The following SNW1 variants were observed in gnomAD, a reference collection of about 807,000 sequenced individuals.
SNW1 encodes SNW domain-containing protein 1.
In SNW1, 9 loss-of-function variants were observed where a neutral mutation model predicts 75.6. That is an observed-to-expected ratio of 0.12 (90% CI 0.07 to 0.21). SNW1 has a LOEUF of 0.21. Ranked by LOEUF, SNW1 falls within the 10% of genes least tolerant of loss-of-function variation. The pLI, the probability that SNW1 is intolerant of heterozygous loss-of-function variation, is 1.00. For synonymous variants in SNW1, 200 were observed against 219.1 expected (o/e 0.91, Z 0.77); for missense variants, 409 against 670.9 (o/e 0.61, Z 4.31).
intron 9 of SNW1, 86 bp downstream of exon 9, chr14:77,732,399 A>G: frequency 1.3e-6 from 1 of 795,392 alleles, no homozygotes; most frequent in Non-Finnish European, 2.2e-6. Flanking sequence ...GGTGCTCGGT[A>G]CTATAGTTAA....
chr14:77,728,992 T>C (rs1217742661), intron 10 of SNW1, among the ~76,000 whole-genome samples: 1 of 152,218 alleles, frequency 6.6e-6, no homozygotes, highest in Non-Finnish European at 1.5e-5. Context: ...TAAGTTTTAC[T>C]TCTAATTATC....
chr14:77,747,206 C>A (rs1287971943), intron 3 of SNW1, among the ~76,000 whole-genome samples: 1 of 152,212 alleles, frequency 6.6e-6, no homozygotes, highest in Non-Finnish European at 1.5e-5. Flanking sequence ...GACGGAGTCT[C>A]ACTCACTCAG....
chr14:77,758,485 C>T (rs1320897594), intron 1 of SNW1, among the ~76,000 whole-genome samples: 3 of 152,176 alleles, frequency 2.0e-5, no homozygotes, highest in Admixed American at 6.5e-5. Context: ...TCTCAGCACT[C>T]TTGTCTCTGC....
intron 3 of SNW1, among the ~76,000 whole-genome samples, chr14:77,743,208 A>T (rs970744083): frequency 2.0e-5 from 3 of 151,894 alleles, no homozygotes; most frequent in African/African-American, 7.3e-5. Flanking sequence ...CTGGGCAACA[A>T]GAGCAAAACT....
intron 3 of SNW1, among the ~76,000 whole-genome samples, chr14:77,746,465 CAAG>C (rs1167523779): frequency 6.6e-6 from 1 of 152,150 alleles, no homozygotes; most frequent in Non-Finnish European, 1.5e-5. Context: ...CTGAGGGAAA[CAAG>C]AACTAGAATA....
chr14:77,732,524 G>T lies in SNW1; in HGVS notation c.852C>A (p.Phe284Leu). The T allele has an allele frequency of 1.2e-6, 2 of 1,613,002 alleles. No individual in the cohort carries two copies. The highest frequency in any genetic ancestry group is 1.7e-6 in the Non-Finnish European group (2 of 1,179,236). ...TGTAGAGGGCTTCTGCCAATTTGGC[G>T]AAATTTTCATTTATGTGTACTGTCT... ...GLQTVHINENFAKLAEALYIA... is the reference protein window; with the variant it reads ...GLQTVHINENLAKLAEALYIA... The change falls in exon 9 of 14, where the codon TTC (phenylalanine) becomes TTA (leucine). Residue 284 changes from phenylalanine (F) to leucine (L), a missense_variant. Around this residue, in one of 9 missense-constraint regions of SNW1, gnomAD observed 37 missense variants for 110.0 expected, o/e 0.34. Transcript: ENST00000261531.
intron 9 of SNW1, 131 bp from the exon 10 acceptor site, chr14:77,731,260 C>T: frequency 1.0e-6 from 1 of 992,138 alleles, no homozygotes; most frequent in South Asian, 1.8e-5. Context: ...CTAATTAAAA[C>T]AAAGAGTCTT....
rs114668788 is a variant in SNW1 at position 77,742,540 on chromosome 14, C to A, written c.331-3479G>T. ...TACAGAAAACTGGCAAAGAACTAGA[C>A]TGACTAAAAGGATAAGCCTGTCAAA... is the stretch of plus-strand genomic sequence containing the variant. On this transcript the variant is annotated intron_variant, in intron 3 of 13. Transcript: ENST00000261531. 3.5e-3 allele frequency among the ~76,000 whole-genome samples: 529 copies of A among 152,244 alleles called. 4 individuals carry two copies. The highest frequency in any genetic ancestry group is 0.02 in the Middle Eastern group (6 of 294).
intron 11 of SNW1, among the ~76,000 whole-genome samples, chr14:77,722,303 ATACT>A (rs2080547618): frequency 6.6e-6 from 1 of 150,684 alleles, no homozygotes; most frequent in Admixed American, 6.6e-5. Flanking sequence ...CTATACGTTT[ATACT>A]TACTAAGAGT....
intron 1 of SNW1, among the ~76,000 whole-genome samples, chr14:77,755,820 C>T (rs1334449520): frequency 3.3e-5 from 5 of 151,772 alleles, no homozygotes; most frequent in Non-Finnish European, 1.5e-5. Context: ...CTCACTGCAG[C>T]CTCCACCTCC....
chr14:77,720,292 A>G (rs1384435815), intron 12 of SNW1, among the ~76,000 whole-genome samples: 2 of 152,064 alleles, frequency 1.3e-5, no homozygotes, highest in Non-Finnish European at 2.9e-5. Context: ...GCACCACCAC[A>G]CCTGGCTAGT....
intron 2 of SNW1, among the ~76,000 whole-genome samples, chr14:77,752,217 A>C (rs1008393299): frequency 6.6e-6 from 1 of 152,192 alleles, no homozygotes; most frequent in African/African-American, 2.4e-5. Context: ...TTTTATTAAC[A>C]TATTATTTAT....
Position 77,739,001 on chromosome 14 carries a change from C to T in SNW1, c.391G>A (p.Asp131Asn). The T allele has an allele frequency of 6.2e-7, 1 of 1,614,120 alleles. No individual in the cohort carries two copies. The highest frequency in any genetic ancestry group is 8.5e-7 in the Non-Finnish European group (1 of 1,179,990). The change falls in exon 4 of 14, where the codon GAC becomes AAC. Residue 131 changes from aspartate to asparagine, a missense_variant. Physicochemically the swap from Asp to Asn is conservative, Grantham distance 23. Transcript: ENST00000261531. ...PKEVMNADDP[D>N]LQRPDEEAIK... The stretch of plus-strand genomic sequence containing the variant: ...GCTTCTTCATCGGGCCTTTGCAGGT[C>T]TGGATCATCTGCATTCATAACCTCC...
At chr14:77,731,549 A>T (rs528394117) in intron 9 of SNW1, among the ~76,000 whole-genome samples, 3 of 152,234 alleles carry the variant, frequency 2.0e-5, no homozygotes, top group Non-Finnish European at 2.9e-5. Context: ...TCAAAAAAAT[A>T]ACATTTTCAA....
chr14:77,742,054 G>A (rs1482220574), intron 3 of SNW1, among the ~76,000 whole-genome samples: 1 of 149,610 alleles, frequency 6.7e-6, no homozygotes, highest in African/African-American at 2.5e-5. Context: ...TTTTTGAGAC[G>A]AAGTCTTGCT....
At chr14:77,723,547 A>G (rs979960551) in intron 10 of SNW1, among the ~76,000 whole-genome samples, 2 of 151,574 alleles carry the variant, frequency 1.3e-5, no homozygotes, top group African/African-American at 4.8e-5. Context: ...ATGGGGTCCC[A>G]CTTATGTTGT....
At chr14:77,742,053 C>G (rs946882599) in intron 3 of SNW1, among the ~76,000 whole-genome samples, 1 of 149,702 alleles carries the variant, frequency 6.7e-6, no homozygotes. Context: ...TTTTTTGAGA[C>G]GAAGTCTTGC....
intron 2 of SNW1, among the ~76,000 whole-genome samples, chr14:77,753,317 C>A (rs750880239): frequency 6.6e-6 from 1 of 152,114 alleles, no homozygotes; most frequent in East Asian, 1.9e-4. Flanking sequence ...ATGCCTGTCA[C>A]CCTCATTGTG....
chr14:77,741,147 G>A (rs2080715878), intron 3 of SNW1, among the ~76,000 whole-genome samples: 1 of 150,034 alleles, frequency 6.7e-6, no homozygotes, highest in South Asian at 2.1e-4. Flanking sequence ...AATAATGACT[G>A]GAGATATTTG....
Sources: gnomAD v4.1 joint callset for allele counts (sites outside exome capture counted in the v4.1 genomes callset) on GRCh38, gnomAD v4.1.1 for gene constraint, gnomAD v4.1.1 regional missense constraint, MANE v1.5 for transcripts, NCBI Gene and HGNC (gene_info 2026-07-23, HGNC 2026-07-21) for gene names.